ADARB2: variants seen among roughly 807,000 people sequenced by gnomAD.
ADARB2 encodes inactive double-stranded RNA-specific editase B2.
In ADARB2, 25 loss-of-function variants were observed where a neutral mutation model predicts 62.2. The observed-to-expected ratio is 0.40, with a 90% CI of 0.29 to 0.56. ADARB2 has a LOEUF of 0.56. ADARB2 is among the 20% of genes least tolerant of loss of function. The probability of loss-of-function intolerance (pLI) is 0.43; values close to 1 mark genes in which losing one functional copy is unlikely to be tolerated. For synonymous variants in ADARB2, 572 were observed against 500.8 expected (o/e 1.14, Z -1.90); for missense variants, 1,071 against 1,077.4 (o/e 0.99, Z 0.08).
At chr10:1,272,818 A>C (rs759420383) in intron 3 of ADARB2, among the ~76,000 whole-genome samples, 1 of 152,198 alleles carries the variant, frequency 6.6e-6, no homozygotes, top group Non-Finnish European at 1.5e-5. Flanking sequence ...TGCTGGAAAA[A>C]TACCCTTAAC....
intron 3 of ADARB2, among the ~76,000 whole-genome samples, chr10:1,315,162 C>G (rs1831726871): frequency 6.6e-6 from 1 of 152,134 alleles, no homozygotes. Context: ...TGAGTTGGTG[C>G]AGACTCTTCT....
chr10:1,676,446 G>A (rs1834467728), intron 1 of ADARB2, among the ~76,000 whole-genome samples: 1 of 152,164 alleles, frequency 6.6e-6, no homozygotes, highest in South Asian at 2.1e-4. Context: ...TTTAGACATT[G>A]CTTTTAAAGA....
chr10:1,295,559 G>A (rs969445159), intron 3 of ADARB2, among the ~76,000 whole-genome samples: 2 of 152,130 alleles, frequency 1.3e-5, no homozygotes. Flanking sequence ...CTCTCTGGTG[G>A]TGGGAGTCTG....
chr10:1,354,122 C>T (rs956748232), intron 3 of ADARB2, among the ~76,000 whole-genome samples: 10 of 152,270 alleles, frequency 6.6e-5, no homozygotes, highest in South Asian at 6.2e-4. Flanking sequence ...TGAGAAACAT[C>T]GCCCATTATC....
chr10:1,475,178 G>A (rs1358051676), intron 1 of ADARB2, among the ~76,000 whole-genome samples: 2 of 152,188 alleles, frequency 1.3e-5, no homozygotes, highest in East Asian at 3.9e-4. Context: ...GCCCCCCCGG[G>A]GCAGGAGGGG....
intron 4 of ADARB2, among the ~76,000 whole-genome samples, chr10:1,263,270 TTAAAGTA>T (rs1377276443): frequency 6.6e-6 from 1 of 152,176 alleles, no homozygotes; most frequent in Non-Finnish European, 1.5e-5. Flanking sequence ...ACCCTAAAAC[TTAAAGTA>T]TAATAATAGT....
chr10:1,481,686 A>G (rs11250562), intron 1 of ADARB2, among the ~76,000 whole-genome samples: 3,644 of 152,010 alleles, frequency 0.024, 145 homozygotes, highest in African/African-American at 0.082. Flanking sequence ...GTGAAACCCC[A>G]TCTCTACTAA....
intron 2 of ADARB2, among the ~76,000 whole-genome samples, chr10:1,368,987 T>C (rs2805582): frequency 0.1 from 14,514 of 142,162 alleles, 1,874 homozygotes; most frequent in African/African-American, 0.3. Flanking sequence ...AGTGGCGCTC[T>C]GGGCTCTGAG....
At chr10:1,459,098 G>T (rs1045925352) in intron 1 of ADARB2, among the ~76,000 whole-genome samples, 1 of 152,200 alleles carries the variant, frequency 6.6e-6, no homozygotes, top group African/African-American at 2.4e-5. Context: ...GGGTGGGAGT[G>T]CAAATTAGCT....
chr10:1,627,926 C>T (rs548064821), intron 1 of ADARB2, among the ~76,000 whole-genome samples: 1 of 152,276 alleles, frequency 6.6e-6, no homozygotes, highest in Non-Finnish European at 1.5e-5. Flanking sequence ...GGTGTGACTC[C>T]CCCCAGCATC....
intron 1 of ADARB2, among the ~76,000 whole-genome samples, chr10:1,633,549 C>CATCTATCTATCTATCTATCTATATCT (rs1833868821): frequency 9.8e-6 from 1 of 101,610 alleles, no homozygotes; most frequent in African/African-American, 3.2e-5. Context: ...GTCTATCTAT[C>CATCTATCTATCTATCTATCTATATCT]ATCTATCTAT....
intron 1 of ADARB2, among the ~76,000 whole-genome samples, chr10:1,584,198 A>AC (rs1833144317): frequency 6.6e-6 from 1 of 152,200 alleles, no homozygotes; most frequent in South Asian, 2.1e-4. Flanking sequence ...GAGAATGCAT[A>AC]CCATAGATTA....
chr10:1,282,018 C>T (rs930158324), intron 3 of ADARB2, among the ~76,000 whole-genome samples: 13 of 152,182 alleles, frequency 8.5e-5, no homozygotes, highest in East Asian at 1.9e-4. Context: ...ATTTAACCAG[C>T]GTGATTTCCC....
intron 1 of ADARB2, among the ~76,000 whole-genome samples, chr10:1,420,019 T>C (rs1832839050): frequency 6.6e-6 from 1 of 152,218 alleles, no homozygotes; most frequent in African/African-American, 2.4e-5. Context: ...CTTGAGAAGA[T>C]AAGTAAAATA....
At chr10:1,459,944 T>A (rs61834367) in intron 1 of ADARB2, among the ~76,000 whole-genome samples, 10,380 of 101,230 alleles carry the variant, frequency 0.1, 442 homozygotes, top group African/African-American at 0.2. Flanking sequence ...TTACCTGCGT[T>A]ACGAACCTGC....
At chr10:1,673,560 T>C (rs1016587355) in intron 1 of ADARB2, among the ~76,000 whole-genome samples, 1 of 152,338 alleles carries the variant, frequency 6.6e-6, no homozygotes, top group African/African-American at 2.4e-5. Context: ...GCTTAGACCT[T>C]ATTGAAGTAG....
intron 7 of ADARB2, among the ~76,000 whole-genome samples, chr10:1,205,222 C>G (rs972187528): frequency 6.6e-6 from 1 of 152,208 alleles, no homozygotes; most frequent in Non-Finnish European, 1.5e-5. Context: ...AGCCAACCCC[C>G]GAGCTCAAAG....
At chr10:1,687,268 C>T (rs1834609294) in intron 1 of ADARB2, among the ~76,000 whole-genome samples, 1 of 152,146 alleles carries the variant, frequency 6.6e-6, no homozygotes, top group African/African-American at 2.4e-5. Flanking sequence ...TCAAGTGATC[C>T]ACCCACCTCA....
intron 1 of ADARB2, among the ~76,000 whole-genome samples, chr10:1,496,185 T>A (rs551494360): frequency 6.6e-6 from 1 of 151,966 alleles, no homozygotes; most frequent in South Asian, 2.1e-4. Flanking sequence ...ATCATCATAG[T>A]CATCATCACC....
Sources: gnomAD v4.1 joint callset for allele counts (sites outside exome capture counted in the v4.1 genomes callset) on GRCh38, gnomAD v4.1.1 for gene constraint, MANE v1.5 for transcripts, NCBI Gene and HGNC (gene_info 2026-07-23, HGNC 2026-07-21) for gene names.